Variants in CHP1 observed in about 807,000 individuals in gnomAD.
The protein encoded by CHP1 is calcineurin B homologous protein 1.
A neutral mutation model predicts 27.4 loss-of-function variants in CHP1; 11 were observed. That is an observed-to-expected ratio of 0.40 (90% CI 0.25 to 0.67). The LOEUF (loss-of-function observed/expected upper bound fraction) is 0.67, where lower values mean the gene tolerates loss of function less well. Ranked by LOEUF, CHP1 falls within the 30% of genes least tolerant of loss-of-function variation. The probability of loss-of-function intolerance (pLI) is 0.38; values close to 1 mark genes in which losing one functional copy is unlikely to be tolerated. For missense variants in CHP1, 169 were observed against 251.3 expected (o/e 0.67, Z 2.22); for synonymous variants, 89 against 87.4 (o/e 1.02, Z -0.10).
chr15:41,279,318 A>T lies in CHP1; in HGVS notation c.535-18A>T. The T allele has an allele frequency of 6.2e-7, 1 of 1,604,000 alleles. No individual in the cohort carries two copies. The highest frequency in any genetic ancestry group is 1.1e-5 in the South Asian group (1 of 90,892). The stretch of plus-strand genomic sequence containing the variant: ...AATCTTCATAACCTTTGTAACTGTT[A>T]CTGGTTTTCTCCCCCAGGTTTTGGA... On this transcript the variant is annotated intron_variant, in intron 6 of 6. Coordinates refer to ENST00000334660, the MANE Select transcript of CHP1 (RefSeq NM_007236.5).
intron 5 of CHP1, among the ~76,000 whole-genome samples, chr15:41,278,103 C>G (rs77807473): frequency 5.3e-5 from 8 of 151,736 alleles, no homozygotes; most frequent in African/African-American, 1.7e-4. Context: ...CCGAGGTGAG[C>G]GGATCACGAG....
At chr15:41,247,165 T>A (rs528857953) in intron 2 of CHP1, among the ~76,000 whole-genome samples, 1 of 151,798 alleles carries the variant, frequency 6.6e-6, no homozygotes, top group South Asian at 2.1e-4. Context: ...GGCCAGGAGT[T>A]TGAGATCGGC....
intron 2 of CHP1, among the ~76,000 whole-genome samples, chr15:41,253,392 T>C (rs1038120265): frequency 5.3e-5 from 8 of 151,888 alleles, no homozygotes; most frequent in Non-Finnish European, 1.2e-4. Context: ...TAATAACTTG[T>C]TCGTATATTA....
In CHP1 at chr15:41,270,421, A is replaced by G. The variant is rs77608183; in HGVS notation, c.350-136A>G. ...AGTGTTACAACTTTTTAAAAGCCCT[A>G]CAAGTAATGGCAATTGTTCTTGGAA... On this transcript the variant is annotated intron_variant, in intron 4 of 6. Transcript: ENST00000334660. The G allele has an allele frequency of 1.7e-3, 1,093 of 660,158 alleles. 11 individuals are homozygous for G. In the African/African-American group the frequency reaches 0.018, roughly 11 times the overall value. The allele number at this position is 660,158 out of a possible 1,614,324, so 40.9% of individuals were successfully genotyped here.
intron 4 of CHP1, 101 bp downstream of exon 4, chr15:41,262,984 A>G: frequency 1.4e-6 from 2 of 1,424,504 alleles, no homozygotes; most frequent in Non-Finnish European, 1.9e-6. Context: ...ACAAGAGCAT[A>G]CTGGTTAAGA....
At chr15:41,245,017 A>G (rs1567004671) in intron 2 of CHP1, among the ~76,000 whole-genome samples, 2 of 152,182 alleles carry the variant, frequency 1.3e-5, no homozygotes, top group Non-Finnish European at 2.9e-5. Context: ...ATCACCCCAA[A>G]TGGAAACCCC....
chr15:41,265,140 T>G (rs1356443724), intron 4 of CHP1, among the ~76,000 whole-genome samples: 1 of 151,342 alleles, frequency 6.6e-6, no homozygotes, highest in Non-Finnish European at 1.5e-5. Context: ...GGCAGGCGGA[T>G]CACCTGAGGT....
chr15:41,236,178 A>T (rs894936403), intron 1 of CHP1, among the ~76,000 whole-genome samples: 1 of 151,834 alleles, frequency 6.6e-6, no homozygotes, highest in Non-Finnish European at 1.5e-5. Flanking sequence ...TCCTGGCCTC[A>T]AATGATCCTT....
At chr15:41,231,968 T>C (rs2047248032) in intron 1 of CHP1, among the ~76,000 whole-genome samples, 1 of 152,056 alleles carries the variant, frequency 6.6e-6, no homozygotes, top group Non-Finnish European at 1.5e-5. Flanking sequence ...TTGGGAGACA[T>C]GACCCGATGC....
intron 2 of CHP1, among the ~76,000 whole-genome samples, chr15:41,245,792 A>G (rs2047331620): frequency 6.6e-6 from 1 of 152,214 alleles, no homozygotes; most frequent in South Asian, 2.1e-4. Context: ...TTAAAGCACA[A>G]AAGTTTTTAA....
intron 2 of CHP1, among the ~76,000 whole-genome samples, chr15:41,253,423 G>GTATTTATTTATT (rs71732753): frequency 1.7e-4 from 24 of 145,272 alleles, no homozygotes; most frequent in Non-Finnish European, 3.5e-4. Context: ...AGTTGACAAA[G>GTATTTATTTATT]TATTTATTTA....
chr15:41,266,702 T>G (rs995888351), intron 4 of CHP1, among the ~76,000 whole-genome samples: 2 of 152,010 alleles, frequency 1.3e-5, no homozygotes, highest in African/African-American at 4.8e-5. Flanking sequence ...TAGTCTGTAT[T>G]AAAAAAGAAA....
chr15:41,232,573 G>A (rs752398325), intron 1 of CHP1, among the ~76,000 whole-genome samples: 22 of 151,976 alleles, frequency 1.4e-4, no homozygotes, highest in Non-Finnish European at 1.5e-5. Context: ...GGAGCAAAAG[G>A]ACTCGGGATT....
At chr15:41,231,944 C>CGT (rs1567000472) in intron 1 of CHP1, among the ~76,000 whole-genome samples, 1 of 151,996 alleles carries the variant, frequency 6.6e-6, no homozygotes, top group Admixed American at 6.6e-5. Flanking sequence ...AAAGCAAGAC[C>CGT]GTGTAGTAAG....
At chr15:41,253,201 T>G (rs549208003) in intron 2 of CHP1, among the ~76,000 whole-genome samples, 1 of 151,936 alleles carries the variant, frequency 6.6e-6, no homozygotes, top group Admixed American at 6.6e-5. Context: ...CCTCCCAAAG[T>G]GCTGGGATTA....
chr15:41,259,343 T>C (rs1247787416), intron 3 of CHP1, among the ~76,000 whole-genome samples: 1 of 152,174 alleles, frequency 6.6e-6, no homozygotes, highest in East Asian at 1.9e-4. Context: ...ATATCACCTG[T>C]CATTCTGTCC....
chr15:41,277,677 A>G (rs1234792547), intron 5 of CHP1, among the ~76,000 whole-genome samples: 1 of 151,656 alleles, frequency 6.6e-6, no homozygotes, highest in Non-Finnish European at 1.5e-5. Flanking sequence ...AATCCCAGCT[A>G]CTCGGGAGGC....
At chr15:41,250,979 C>T (rs144702424) in intron 2 of CHP1, among the ~76,000 whole-genome samples, 60 of 152,024 alleles carry the variant, frequency 3.9e-4, no homozygotes, top group African/African-American at 1.3e-3. Context: ...CAATTATAGG[C>T]GTGCACTACC....
intron 1 of CHP1, 132 bp downstream of exon 1, chr15:41,231,581 A>C: frequency 1.2e-6 from 1 of 801,940 alleles, no homozygotes; most frequent in Non-Finnish European, 2.1e-6. Flanking sequence ...AGGTTTGGGG[A>C]CCGAGAGCTG....
Sources: allele counts gnomAD v4.1 joint callset (sites outside exome capture counted in the v4.1 genomes callset), GRCh38; gene constraint gnomAD v4.1.1; transcripts MANE v1.5; gene names NCBI Gene and HGNC (gene_info 2026-07-23, HGNC 2026-07-21).